Variants in ANKS1B observed in about 807,000 individuals in gnomAD.
ANKS1B encodes ankyrin repeat and sterile alpha motif domain-containing protein 1B.
Under a neutral mutation model 148.3 loss-of-function variants are expected in ANKS1B, and 36 were observed. The observed-to-expected ratio is 0.24, with a 90% CI of 0.19 to 0.32. The LOEUF is 0.32. Among genes scored for constraint, ANKS1B ranks in the 10% least tolerant of loss-of-function variants. The pLI, the probability that ANKS1B is intolerant of heterozygous loss-of-function variation, is 1.00. For synonymous variants in ANKS1B, 542 were observed against 560.8 expected (o/e 0.97, Z 0.47); for missense variants, 1,157 against 1,542.6 (o/e 0.75, Z 4.19).
At chr12:99,626,980 T>G (rs1160926872) in intron 9 of ANKS1B, among the ~76,000 whole-genome samples, 1 of 152,276 alleles carries the variant, frequency 6.6e-6, no homozygotes, top group Admixed American at 6.5e-5. Context: ...AATAAAATAA[T>G]AGACACCACT....
intron 1 of ANKS1B, among the ~76,000 whole-genome samples, chr12:99,850,964 T>C (rs2087727961): frequency 6.6e-6 from 1 of 152,144 alleles, no homozygotes. Context: ...ATTTTTTGTT[T>C]GACTTACCAT....
chr12:99,408,384 C>A lies in ANKS1B; in HGVS notation c.1576-8573G>T, dbSNP rs941058307. On this transcript the variant is annotated intron_variant, in intron 11 of 26. Transcript: ENST00000683438. Reference sequence around the variant, plus strand: ...AAATAATTAAATCTAAGACCTCAAACTACAAAACTACTAAAAGAAAGCATC... The same window carrying A: ...AAATAATTAAATCTAAGACCTCAAAATACAAAACTACTAAAAGAAAGCATC... 3.4e-5 allele frequency among the ~76,000 whole-genome samples: 5 copies of A among 145,800 alleles called. 1 individual carries two copies. Among genetic ancestry groups the A allele is most frequent in the Non-Finnish European group, 6.1e-5 (4 of 65,946 alleles).
At chr12:98,967,484 TGTG>T (rs1002113859) in intron 17 of ANKS1B, among the ~76,000 whole-genome samples, 8 of 151,836 alleles carry the variant, frequency 5.3e-5, no homozygotes, top group African/African-American at 1.9e-4. Context: ...CTTAATTTCT[TGTG>T]GAATATACAT....
chr12:98,802,192 G>C (rs1200466372), intron 20 of ANKS1B, among the ~76,000 whole-genome samples: 1 of 152,204 alleles, frequency 6.6e-6, no homozygotes, highest in African/African-American at 2.4e-5. Flanking sequence ...TTTCTCAGGA[G>C]TTGGAAGAGT....
At chr12:99,555,572 G>A (rs1187282927) in intron 9 of ANKS1B, among the ~76,000 whole-genome samples, 1 of 152,086 alleles carries the variant, frequency 6.6e-6, no homozygotes, top group Non-Finnish European at 1.5e-5. Context: ...GTTGGTTGTG[G>A]GTTTGTCATA....
At chr12:99,272,324 C>T (rs1817364166) in intron 12 of ANKS1B, among the ~76,000 whole-genome samples, 1 of 152,086 alleles carries the variant, frequency 6.6e-6, no homozygotes, top group Admixed American at 6.5e-5. Flanking sequence ...TTTCAGAAAA[C>T]TTTGTTAGTG....
chr12:99,501,633 T>G (rs962890003), intron 10 of ANKS1B, among the ~76,000 whole-genome samples: 1 of 152,292 alleles, frequency 6.6e-6, no homozygotes, highest in East Asian at 1.9e-4. Flanking sequence ...GCTGTAGCCC[T>G]TGGAATCCTA....
At chr12:99,851,856 T>G (rs2087911015) in intron 1 of ANKS1B, among the ~76,000 whole-genome samples, 1 of 152,198 alleles carries the variant, frequency 6.6e-6, no homozygotes, top group African/African-American at 2.4e-5. Flanking sequence ...AACTATGCTA[T>G]TCAGAACCCT....
intron 12 of ANKS1B, among the ~76,000 whole-genome samples, chr12:99,390,045 C>T (rs953923615): frequency 2.0e-5 from 3 of 152,062 alleles, no homozygotes; most frequent in Non-Finnish European, 4.4e-5. Context: ...ACTCATAGCA[C>T]CCGGGTGCTC....
chr12:99,074,475 T>A (rs1477623714), intron 16 of ANKS1B, among the ~76,000 whole-genome samples: 1 of 152,198 alleles, frequency 6.6e-6, no homozygotes, highest in Non-Finnish European at 1.5e-5. Flanking sequence ...CCAGCAGTTG[T>A]TTAAAAATCT....
intron 17 of ANKS1B, among the ~76,000 whole-genome samples, chr12:98,900,023 T>C (rs2099769969): frequency 6.6e-6 from 1 of 152,184 alleles, no homozygotes; most frequent in Admixed American, 6.5e-5. Context: ...GATTATTCCA[T>C]CTGGAGCTAT....
At chr12:99,262,819 C>T (rs945517110) in intron 12 of ANKS1B, among the ~76,000 whole-genome samples, 11 of 151,848 alleles carry the variant, frequency 7.2e-5, no homozygotes, top group Non-Finnish European at 1.0e-4. Flanking sequence ...GATTTTGTTT[C>T]TCTCTTTTTA....
intron 11 of ANKS1B, among the ~76,000 whole-genome samples, chr12:99,428,933 C>T (rs1410035034): frequency 2.0e-5 from 3 of 152,080 alleles, no homozygotes; most frequent in African/African-American, 7.2e-5. Flanking sequence ...CAAAAGGACA[C>T]AGGAGGACTC....
intron 17 of ANKS1B, among the ~76,000 whole-genome samples, chr12:99,024,229 A>G (rs1362017908): frequency 6.6e-6 from 1 of 152,118 alleles, no homozygotes; most frequent in Non-Finnish European, 1.5e-5. Flanking sequence ...TAAAATATAT[A>G]CCCACTAAAG....
chr12:98,743,882 C>T (rs114275246), downstream of ANKS1B: 1,348 of 594,724 alleles, frequency 2.3e-3, 19 homozygotes, highest in African/African-American at 0.025. Context: ...TAAAAAAGTC[C>T]CTTTAGCTGT....
At chr12:99,484,290 G>A (rs554018418) in intron 10 of ANKS1B, among the ~76,000 whole-genome samples, 39 of 151,996 alleles carry the variant, frequency 2.6e-4, no homozygotes, top group African/African-American at 8.7e-4. Flanking sequence ...TAATTTCCAT[G>A]CGTTTTTATA....
intron 9 of ANKS1B, among the ~76,000 whole-genome samples, chr12:99,589,387 C>T (rs932734132): frequency 1.3e-5 from 2 of 152,124 alleles, no homozygotes; most frequent in South Asian, 2.1e-4. Flanking sequence ...CTGAAGTTCC[C>T]CTTCCCCAGG....
At chr12:99,370,728 A>G (rs2093082723) in intron 12 of ANKS1B, among the ~76,000 whole-genome samples, 1 of 152,196 alleles carries the variant, frequency 6.6e-6, no homozygotes, top group Admixed American at 6.5e-5. Flanking sequence ...ACCTGTTGGA[A>G]CTGTAGCTAA....
At chr12:99,643,371 T>C (rs887215091) in intron 9 of ANKS1B, among the ~76,000 whole-genome samples, 1 of 152,102 alleles carries the variant, frequency 6.6e-6, no homozygotes, top group Non-Finnish European at 1.5e-5. Context: ...ATATGACAAG[T>C]GTAGCGAAAC....
Sources: gnomAD v4.1 joint callset for allele counts (sites outside exome capture counted in the v4.1 genomes callset) on GRCh38, gnomAD v4.1.1 for gene constraint, MANE v1.5 for transcripts, NCBI Gene and HGNC (gene_info 2026-07-23, HGNC 2026-07-21) for gene names.